ESYT2: variants seen among roughly 807,000 people sequenced by gnomAD.
The protein encoded by ESYT2 is extended synaptotagmin-2.
In ESYT2, 54 loss-of-function variants were observed where a neutral mutation model predicts 107.2. The ratio of observed to expected loss-of-function variants is 0.50; its 90% CI spans 0.40 to 0.63. ESYT2 has a LOEUF of 0.63. Ranked by LOEUF, ESYT2 falls within the 30% of genes least tolerant of loss-of-function variation. The pLI is 0.00. For synonymous variants in ESYT2, 491 were observed against 434.1 expected (o/e 1.13, Z -1.63); for missense variants, 1,020 against 1,094.5 (o/e 0.93, Z 0.96).
At chr7:158,773,515 C>T in intron 6 of ESYT2, 119 bp from the exon 7 acceptor site, 1 of 878,196 alleles carries the variant, frequency 1.1e-6, no homozygotes, top group Non-Finnish European at 1.8e-6. Context: ...AGACCCACAC[C>T]CTTCATCCTT....
At chr7:158,755,338 G>A (rs925125685) in intron 13 of ESYT2, among the ~76,000 whole-genome samples, 2 of 152,172 alleles carry the variant, frequency 1.3e-5, no homozygotes, top group East Asian at 1.9e-4. Context: ...TTTGTTTTAC[G>A]GAACATCTTA....
At chr7:158,755,855 T>C (rs1837736222) in intron 13 of ESYT2, among the ~76,000 whole-genome samples, 1 of 151,256 alleles carries the variant, frequency 6.6e-6, no homozygotes, top group African/African-American at 2.4e-5. Flanking sequence ...CATCACATAC[T>C]AGGGGCCGTC....
At chr7:158,740,865 T>C (rs1334978817) in intron 18 of ESYT2, among the ~76,000 whole-genome samples, 2 of 152,208 alleles carry the variant, frequency 1.3e-5, no homozygotes, top group Non-Finnish European at 2.9e-5. Context: ...TTTCTGTTAC[T>C]ATTTTCTTAT....
chr7:158,788,491 G>A, intron 4 of ESYT2, 74 bp from the exon 5 acceptor site: 1 of 1,239,642 alleles, frequency 8.1e-7, no homozygotes, highest in Non-Finnish European at 1.1e-6. Context: ...CCTGCAAGAT[G>A]TATAATCTGA....
intron 10 of ESYT2, among the ~76,000 whole-genome samples, chr7:158,762,429 C>T (rs529664738): frequency 1.3e-5 from 2 of 152,278 alleles, no homozygotes; most frequent in African/African-American, 2.4e-5. Flanking sequence ...CAGGCCACAA[C>T]GTGCAAGGGC....
At chr7:158,774,316 T>G (rs1838475073) in intron 6 of ESYT2, among the ~76,000 whole-genome samples, 1 of 152,124 alleles carries the variant, frequency 6.6e-6, no homozygotes, top group South Asian at 2.1e-4. Flanking sequence ...AAAACAATTT[T>G]TAAGATCCTG....
chr7:158,747,586 C>T (rs1463318574), intron 16 of ESYT2, among the ~76,000 whole-genome samples: 1 of 152,160 alleles, frequency 6.6e-6, no homozygotes, highest in Non-Finnish European at 1.5e-5. Context: ...GTGGGGCCCG[C>T]TCGACTCACA....
chr7:158,768,260 G>A (rs926604766), intron 7 of ESYT2, among the ~76,000 whole-genome samples: 9 of 151,908 alleles, frequency 5.9e-5, no homozygotes, highest in Admixed American at 3.3e-4. Flanking sequence ...TCATTTCTCC[G>A]TTGTTGTACA....
chr7:158,750,437 T>C (rs1452860034), intron 14 of ESYT2, among the ~76,000 whole-genome samples: 1 of 152,148 alleles, frequency 6.6e-6, no homozygotes, highest in Non-Finnish European at 1.5e-5. Flanking sequence ...CACAAGAAGA[T>C]GCAGTTAAAT....
intron 6 of ESYT2, among the ~76,000 whole-genome samples, chr7:158,777,145 G>A (rs1050854674): frequency 6.6e-6 from 1 of 152,054 alleles, no homozygotes; most frequent in Non-Finnish European, 1.5e-5. Flanking sequence ...TTACAGGCGT[G>A]AGCCACCTAG....
At chr7:158,793,760 AG>A (rs1214735160) in intron 3 of ESYT2, 34 bp from the exon 4 acceptor site, 13 of 1,533,912 alleles carry the variant, frequency 8.5e-6, no homozygotes, top group African/African-American at 1.4e-5. Flanking sequence ...TAAGATACAG[AG>A]GTTAAAAAAA....
At chr7:158,797,345 C>G (rs900384523) in intron 3 of ESYT2, among the ~76,000 whole-genome samples, 1 of 151,996 alleles carries the variant, frequency 6.6e-6, no homozygotes, top group South Asian at 2.1e-4. Flanking sequence ...GACGGAGTCC[C>G]ACTTTGTTGC....
intron 6 of ESYT2, among the ~76,000 whole-genome samples, chr7:158,783,407 T>A (rs1190307438): frequency 6.6e-6 from 1 of 152,178 alleles, no homozygotes; most frequent in Non-Finnish European, 1.5e-5. Flanking sequence ...AGAACAAGAA[T>A]CACCTGGGAA....
intron 6 of ESYT2, among the ~76,000 whole-genome samples, chr7:158,777,330 G>A (rs1328899913): frequency 1.3e-5 from 2 of 152,150 alleles, no homozygotes; most frequent in African/African-American, 4.8e-5. Flanking sequence ...CAGAAGATAC[G>A]ACATTTACCA....
intron 1 of ESYT2, among the ~76,000 whole-genome samples, chr7:158,803,110 C>T (rs1386117117): frequency 6.6e-6 from 1 of 152,192 alleles, no homozygotes; most frequent in Non-Finnish European, 1.5e-5. Flanking sequence ...GCACAGCAAT[C>T]GAGAGTGTGC....
intron 6 of ESYT2, among the ~76,000 whole-genome samples, chr7:158,781,584 G>A (rs1838814888): frequency 6.6e-6 from 1 of 151,024 alleles, no homozygotes; most frequent in Admixed American, 6.6e-5. Context: ...AAGTGTGAGA[G>A]GTTTGAGTAT....
intron 7 of ESYT2, among the ~76,000 whole-genome samples, chr7:158,768,355 G>A (rs1045850002): frequency 1.3e-5 from 2 of 152,130 alleles, no homozygotes; most frequent in Non-Finnish European, 2.9e-5. Context: ...AATAATTTTT[G>A]AAATACTATA....
chr7:158,737,082 A>C lies in ESYT2; in HGVS notation c.2365T>G (p.Ser789Ala), dbSNP rs1563613955. The C allele has an allele frequency of 1.5e-5, 24 of 1,613,762 alleles. No homozygotes were observed. The highest frequency in any genetic ancestry group is 1.9e-5 in the Non-Finnish European group (23 of 1,179,820). ...RRSGRRKTHV[S>A]KKTLNPVFDQ... is the part of the protein sequence containing the mutation. ...AACACTGGATTTAATGTTTTCTTTG[A>C]CACGTGTGTTTTCCTCCTTCCTGAC... Residue 789 changes from serine (S) to alanine (A), a missense_variant, in exon 20 of 23, where the codon TCA (serine) becomes GCA (alanine). Ser to Ala is a moderately conservative substitution (Grantham distance 99, BLOSUM62 1). Transcript: ENST00000275418.
intron 6 of ESYT2, among the ~76,000 whole-genome samples, chr7:158,781,433 TGTGA>T (rs1000118006): frequency 2.2e-3 from 21 of 9,700 alleles, no homozygotes; most frequent in Non-Finnish European, 0.011. Context: ...GAGTGAGAAG[TGTGA>T]GTGTGAACAA....
Sources: allele counts gnomAD v4.1 joint callset (sites outside exome capture counted in the v4.1 genomes callset), GRCh38; gene constraint gnomAD v4.1.1; transcripts MANE v1.5; gene names NCBI Gene and HGNC (gene_info 2026-07-23, HGNC 2026-07-21).